The following LRMDA variants were observed in gnomAD, a reference collection of about 807,000 sequenced individuals.
LRMDA encodes the protein leucine-rich melanocyte differentiation-associated protein.
In LRMDA, 18 loss-of-function variants were observed where a neutral mutation model predicts 29.8. The observed-to-expected ratio is 0.60, with a 90% CI of 0.42 to 0.90. LRMDA has a LOEUF of 0.90. Ranked by LOEUF, LRMDA falls within the 40% of genes least tolerant of loss-of-function variation. The pLI is 0.00. For missense variants in LRMDA, 273 were observed against 273.9 expected (o/e 1.00, Z 0.02); for synonymous variants, 125 against 109.4 (o/e 1.14, Z -0.89).
intron 2 of LRMDA, among the ~76,000 whole-genome samples, chr10:75,893,409 C>T (rs1046869183): frequency 3.9e-5 from 6 of 152,166 alleles, no homozygotes; most frequent in African/African-American, 1.2e-4. Flanking sequence ...ACAGGTTAGA[C>T]GTATTTCCTG....
chr10:75,823,342 A>G (rs1256008382), intron 2 of LRMDA, among the ~76,000 whole-genome samples: 1 of 152,224 alleles, frequency 6.6e-6, no homozygotes, highest in Non-Finnish European at 1.5e-5. Context: ...CAAGCAGCTA[A>G]CAAACATGAA....
At chr10:76,454,319 C>T (rs1842435544) in intron 6 of LRMDA, among the ~76,000 whole-genome samples, 1 of 152,096 alleles carries the variant, frequency 6.6e-6, no homozygotes, top group Non-Finnish European at 1.5e-5. Context: ...TAAAAAGAGT[C>T]ACTAATCATA....
rs112643703 is a variant in LRMDA at position 75,617,286 on chromosome 10, G to T, written c.131+178792G>T. 3.2e-4 allele frequency among the ~76,000 whole-genome samples: 49 copies of T among 152,224 alleles called. 1 individual carries two copies. Among genetic ancestry groups the T allele is most frequent in the African/African-American group, 1.1e-3 (46 of 41,514 alleles). Reference sequence around the variant, plus strand: ...TGGCAGCATAAGGGCACATAGGGACGGCTGCCAAGGTTTCCCATTTACAAC... The same window carrying T: ...TGGCAGCATAAGGGCACATAGGGACTGCTGCCAAGGTTTCCCATTTACAAC... On this transcript the variant is annotated intron_variant, in intron 2 of 6. Transcript: ENST00000611255.
intron 6 of LRMDA, among the ~76,000 whole-genome samples, chr10:76,439,522 A>G (rs183829035): frequency 6.6e-6 from 1 of 152,196 alleles, no homozygotes; most frequent in African/African-American, 2.4e-5. Flanking sequence ...AGATGTGCCT[A>G]AACTAACACA....
chr10:76,355,752 C>G (rs1003250363), intron 6 of LRMDA, among the ~76,000 whole-genome samples: 1 of 152,134 alleles, frequency 6.6e-6, no homozygotes, highest in African/African-American at 2.4e-5. Context: ...TAAAGAGTTG[C>G]ATGCATGCCG....
rs548822515 is a variant in LRMDA, at chr10:76,393,547, A to T, written c.601+69062A>T. ...TAATGAGTTGTTTGAGTCCTTATACATTTTTTTATATTAACCCCTTATCAG... is the reference window on the plus strand; with the variant it reads ...TAATGAGTTGTTTGAGTCCTTATACTTTTTTTTATATTAACCCCTTATCAG... On this transcript the variant is annotated intron_variant, in intron 6 of 6. Coordinates refer to ENST00000611255, the MANE Select transcript of LRMDA (RefSeq NM_001305581.2). Among the ~76,000 whole-genome samples the T allele has an allele frequency of 1.1e-4, 16 of 152,004 alleles. No individual in the cohort carries two copies. In the South Asian group the frequency reaches 2.3e-3, roughly 22 times the overall value.
intron 6 of LRMDA, among the ~76,000 whole-genome samples, chr10:76,450,569 C>T (rs1397078750): frequency 1.3e-5 from 2 of 152,076 alleles, no homozygotes; most frequent in Non-Finnish European, 2.9e-5. Flanking sequence ...TCCTCAGTAA[C>T]ACTTCATCTG....
chr10:75,730,421 C>T (rs747541829), intron 2 of LRMDA, among the ~76,000 whole-genome samples: 1 of 152,146 alleles, frequency 6.6e-6, no homozygotes, highest in South Asian at 2.1e-4. Context: ...CGATGGTGCA[C>T]AGACACTGGA....
chr10:75,489,101 G>T (rs1844952024), intron 2 of LRMDA, among the ~76,000 whole-genome samples: 1 of 152,004 alleles, frequency 6.6e-6, no homozygotes, highest in East Asian at 1.9e-4. Flanking sequence ...CATGTGCCTT[G>T]TAAGAACCAG....
rs1162180821 is a variant in LRMDA at position 75,659,211 on chromosome 10, C to T, written c.131+220717C>T. ...GGTGCCTCTTAGGGAGTTCAAGAAC[C>T]GAAATTCAGGAGAGGCACTCTCAGT... On this transcript the variant is annotated intron_variant, in intron 2 of 6. Coordinates refer to ENST00000611255, the MANE Select transcript of LRMDA (RefSeq NM_001305581.2). 3.9e-5 allele frequency among the ~76,000 whole-genome samples: 6 copies of T among 152,292 alleles called. No individual in the cohort carries two copies. In the East Asian group the frequency reaches 7.7e-4, roughly 20 times the overall value.
intron 2 of LRMDA, among the ~76,000 whole-genome samples, chr10:75,823,771 CAT>C (rs1382716635): frequency 2.0e-5 from 3 of 151,536 alleles, no homozygotes; most frequent in South Asian, 4.2e-4. Context: ...CACACACACA[CAT>C]ACACACACAC....
At chr10:76,426,531 A>C (rs1015978657) in intron 6 of LRMDA, among the ~76,000 whole-genome samples, 2 of 151,796 alleles carry the variant, frequency 1.3e-5, no homozygotes, top group African/African-American at 4.8e-5. Context: ...GATTGCAAAA[A>C]TTTTCTCCCA....
At chr10:75,551,779 C>T (rs927680308) in intron 2 of LRMDA, among the ~76,000 whole-genome samples, 1 of 152,086 alleles carries the variant, frequency 6.6e-6, no homozygotes, top group African/African-American at 2.4e-5. Flanking sequence ...TGGCTTATGC[C>T]TGTAATCCCA....
chr10:75,709,998 A>G (rs1842417019), intron 2 of LRMDA, among the ~76,000 whole-genome samples: 1 of 152,182 alleles, frequency 6.6e-6, no homozygotes, highest in South Asian at 2.1e-4. Flanking sequence ...TTTGTTTTGT[A>G]TCCCTGGTAA....
intron 5 of LRMDA, among the ~76,000 whole-genome samples, chr10:76,307,670 G>T (rs893727123): frequency 2.6e-5 from 4 of 152,134 alleles, no homozygotes; most frequent in Admixed American, 2.0e-4. Flanking sequence ...CCCAAAGCAG[G>T]CCACGGATTC....
intron 2 of LRMDA, among the ~76,000 whole-genome samples, chr10:76,032,689 G>A (rs925791048): frequency 6.6e-6 from 1 of 152,114 alleles, no homozygotes; most frequent in African/African-American, 2.4e-5. Flanking sequence ...GGGGAGGCAG[G>A]CAGCCTGCAG....
At chr10:76,280,860 A>G (rs1418868227) in intron 5 of LRMDA, among the ~76,000 whole-genome samples, 2 of 152,172 alleles carry the variant, frequency 1.3e-5, no homozygotes, top group Non-Finnish European at 2.9e-5. Context: ...TGTAAATATG[A>G]GTAAAATGAT....
chr10:75,472,300 A>G (rs930115516), intron 2 of LRMDA, among the ~76,000 whole-genome samples: 4 of 152,170 alleles, frequency 2.6e-5, no homozygotes, highest in Non-Finnish European at 5.9e-5. Flanking sequence ...GTAATGAAGG[A>G]GGCAGAAGGG....
At chr10:75,767,177 T>C (rs1843180715) in intron 2 of LRMDA, among the ~76,000 whole-genome samples, 1 of 152,202 alleles carries the variant, frequency 6.6e-6, no homozygotes, top group Admixed American at 6.5e-5. Context: ...GATTGCTGGG[T>C]CAAATTGTAT....
Sources: gnomAD v4.1 joint callset for allele counts (sites outside exome capture counted in the v4.1 genomes callset) on GRCh38, gnomAD v4.1.1 for gene constraint, MANE v1.5 for transcripts, NCBI Gene and HGNC (gene_info 2026-07-23, HGNC 2026-07-21) for gene names.